DPP10: variants seen among roughly 807,000 people sequenced by gnomAD.
The protein encoded by DPP10 is inactive dipeptidyl peptidase 10.
In DPP10, 33 loss-of-function variants were observed where a neutral mutation model predicts 120.9. That is an observed-to-expected ratio of 0.27 (90% CI 0.21 to 0.37). DPP10 has a LOEUF of 0.37. Among genes scored for constraint, DPP10 ranks in the 10% least tolerant of loss-of-function variants. The probability of loss-of-function intolerance (pLI) is 1.00; values close to 1 mark genes in which losing one functional copy is unlikely to be tolerated. For missense variants in DPP10, 816 were observed against 942.8 expected, an observed-to-expected ratio of 0.87 and a Z score of 1.76; for synonymous variants, 337 against 326.1, an observed-to-expected ratio of 1.03 and a Z score of -0.36.
At chr2:115,425,355 T>C (rs1020849876) in intron 3 of DPP10, among the ~76,000 whole-genome samples, 4 of 152,320 alleles carry the variant, frequency 2.6e-5, no homozygotes, top group African/African-American at 9.6e-5. Context: ...TGCTAAAGTA[T>C]AATTTTTACG....
At chr2:114,729,675 C>T (rs1017286616) in intron 1 of DPP10, among the ~76,000 whole-genome samples, 1 of 152,302 alleles carries the variant, frequency 6.6e-6, no homozygotes, top group Middle Eastern at 3.4e-3. Flanking sequence ...TCTAAACTTT[C>T]CAGCTGATTC....
chr2:115,209,680 G>A (rs1217391720), intron 1 of DPP10, among the ~76,000 whole-genome samples: 4 of 152,028 alleles, frequency 2.6e-5, no homozygotes, highest in African/African-American at 4.8e-5. Context: ...ATGTGGTCTT[G>A]CAGCTCAGAA....
At chr2:115,492,829 G>A (rs1019927090) in intron 3 of DPP10, among the ~76,000 whole-genome samples, 11 of 152,094 alleles carry the variant, frequency 7.2e-5, no homozygotes, top group Admixed American at 3.9e-4. Flanking sequence ...AAAAAAGATC[G>A]AAAGGAATTA....
At chr2:115,469,696 C>G (rs150137633) in intron 3 of DPP10, among the ~76,000 whole-genome samples, 7 of 151,904 alleles carry the variant, frequency 4.6e-5, no homozygotes, top group Non-Finnish European at 1.0e-4. Context: ...AGCGGGAGCT[C>G]GAGACCAGCC....
chr2:115,248,755 G>A (rs1373140215), intron 1 of DPP10, among the ~76,000 whole-genome samples: 1 of 152,076 alleles, frequency 6.6e-6, no homozygotes, highest in Non-Finnish European at 1.5e-5. Flanking sequence ...AAAATCAAAA[G>A]TGTAAGCAAT....
intron 1 of DPP10, among the ~76,000 whole-genome samples, chr2:114,511,705 AC>A (rs1179387684): frequency 2.6e-5 from 4 of 152,230 alleles, no homozygotes; most frequent in Non-Finnish European, 4.4e-5. Flanking sequence ...GTGAAGACAC[AC>A]AGGATATGTC....
chr2:115,681,029 T>C (rs1274901839), intron 5 of DPP10, among the ~76,000 whole-genome samples: 1 of 151,918 alleles, frequency 6.6e-6, no homozygotes, highest in African/African-American at 2.4e-5. Flanking sequence ...TGTTTTTCCT[T>C]GAAATAATTT....
intron 1 of DPP10, among the ~76,000 whole-genome samples, chr2:114,669,674 T>C (rs1698188763): frequency 6.6e-6 from 1 of 152,120 alleles, no homozygotes; most frequent in East Asian, 1.9e-4. Flanking sequence ...ATACTAATAT[T>C]ATTTAGTAAT....
intron 1 of DPP10, among the ~76,000 whole-genome samples, chr2:114,502,283 T>C (rs1252135543): frequency 6.6e-6 from 1 of 151,536 alleles, no homozygotes; most frequent in Non-Finnish European, 1.5e-5. Flanking sequence ...AACTTTTTGG[T>C]AAATCCACGT....
chr2:115,630,043 A>G (rs533954080), intron 5 of DPP10, among the ~76,000 whole-genome samples: 10 of 152,060 alleles, frequency 6.6e-5, no homozygotes, highest in African/African-American at 9.7e-5. Flanking sequence ...TTGAACATGG[A>G]ATGTTTTTCC....
At position 115,814,782 on chromosome 2, in the gene DPP10, G is replaced by T. The variant is rs117165755; in HGVS notation, c.1701-11G>T. ...TGCTCTTGTTTTGGTCCAATATGTT[G>T]GTATTTGCAGGGATGAAGAACCAGG... On this transcript the variant is annotated splice_polypyrimidine_tract_variant and intron_variant, in intron 19 of 25. Transcript: ENST00000410059. 7.3e-5 allele frequency: 111 copies of T among 1,512,364 alleles called. No individual in the cohort carries two copies. In the East Asian group the frequency reaches 2.5e-3, roughly 34 times the overall value. 93.7% of individuals were successfully genotyped at this position (1,512,364 alleles called of 1,614,324 possible).
rs77778800 is a variant in DPP10 at position 114,581,923 on chromosome 2, G to A, written c.60+139085G>A. On this transcript the variant is annotated intron_variant, in intron 1 of 25. Transcript: ENST00000410059. Reference sequence around the variant, plus strand: ...ACAACATACTGTACCACACCAGAGAGGTACACTTATTCCAATTGATGAACC... The same window carrying A: ...ACAACATACTGTACCACACCAGAGAAGTACACTTATTCCAATTGATGAACC... Among the ~76,000 whole-genome samples, 1,729 of 152,164 alleles carry A rather than the reference G, an allele frequency of 0.011. 175 individuals are homozygous for A. The East Asian group carries it at 0.25, about 22-fold the overall frequency.
chr2:114,679,782 A>G (rs1698903730), intron 1 of DPP10, among the ~76,000 whole-genome samples: 1 of 152,030 alleles, frequency 6.6e-6, no homozygotes, highest in Non-Finnish European at 1.5e-5. Context: ...GATTACAAGA[A>G]TGCTTCAAAC....
chr2:114,895,052 G>A (rs1362925935), intron 1 of DPP10, among the ~76,000 whole-genome samples: 3 of 152,234 alleles, frequency 2.0e-5, no homozygotes, highest in Non-Finnish European at 4.4e-5. Flanking sequence ...GATATGAATA[G>A]TTCCTACTTC....
intron 1 of DPP10, among the ~76,000 whole-genome samples, chr2:114,521,074 G>A (rs1201620595): frequency 1.3e-5 from 2 of 151,620 alleles, no homozygotes; most frequent in Admixed American, 6.6e-5. Context: ...AAGGGACATG[G>A]GAAACAAAAT....
intron 19 of DPP10, among the ~76,000 whole-genome samples, chr2:115,813,803 C>T (rs114731990): frequency 0.018 from 2,778 of 152,254 alleles, 87 homozygotes; most frequent in African/African-American, 0.061. Context: ...GATAAACATT[C>T]ACATAAAGAG....
chr2:115,486,441 G>T (rs559612827), intron 3 of DPP10, among the ~76,000 whole-genome samples: 6 of 152,256 alleles, frequency 3.9e-5, no homozygotes, highest in African/African-American at 1.2e-4. Context: ...TTTTCTGCAT[G>T]TATCACTGCA....
At chr2:115,363,617 G>C (rs1371307169) in intron 3 of DPP10, among the ~76,000 whole-genome samples, 1 of 152,194 alleles carries the variant, frequency 6.6e-6, no homozygotes, top group Non-Finnish European at 1.5e-5. Flanking sequence ...AGGACTGAGA[G>C]GATAATTCCT....
intron 1 of DPP10, among the ~76,000 whole-genome samples, chr2:114,606,653 C>T (rs1288839552): frequency 6.6e-6 from 1 of 152,170 alleles, no homozygotes. Flanking sequence ...AGAACTTCTG[C>T]ATACTTAATC....
Sources: gnomAD v4.1 joint callset for allele counts (sites outside exome capture counted in the v4.1 genomes callset) on GRCh38, gnomAD v4.1.1 for gene constraint, MANE v1.5 for transcripts, NCBI Gene and HGNC (gene_info 2026-07-23, HGNC 2026-07-21) for gene names.